ANK3: variants seen among roughly 807,000 people sequenced by gnomAD.
The protein encoded by ANK3 is ankyrin 3.
ANK3 carries 57 observed loss-of-function variants against 370.9 expected under a neutral mutation model. That is an observed-to-expected ratio of 0.15 (90% confidence interval 0.12 to 0.19). The LOEUF is 0.19. ANK3 is among the 10% of genes least tolerant of loss of function. ANK3 has a pLI of 1.00. For missense variants in ANK3, 4,439 were observed against 5,302.1 expected, an observed-to-expected ratio of 0.84 and a Z score of 5.06; for synonymous variants, 1,929 against 1,946.3, an observed-to-expected ratio of 0.99 and a Z score of 0.23.
chr10:60,446,412 T>C (rs1180302470), intron 2 of ANK3, among the ~76,000 whole-genome samples: 1 of 152,184 alleles, frequency 6.6e-6, no homozygotes, highest in Non-Finnish European at 1.5e-5. Context: ...GTGCCTGATA[T>C]TGCTAGTGAG....
chr10:60,120,632 C>G (rs1377092199), intron 25 of ANK3, among the ~76,000 whole-genome samples: 1 of 151,564 alleles, frequency 6.6e-6, no homozygotes, highest in Non-Finnish European at 1.5e-5. Flanking sequence ...AAAAAAAAAT[C>G]TAATAATCCA....
At chr10:60,491,322 T>G (rs1336286738) in intron 2 of ANK3, among the ~76,000 whole-genome samples, 1 of 152,194 alleles carries the variant, frequency 6.6e-6, no homozygotes, top group African/African-American at 2.4e-5. Flanking sequence ...GTTATTGTCT[T>G]GCATAAATCA....
At chr10:60,191,997 C>T (rs1002271866) in intron 16 of ANK3, among the ~76,000 whole-genome samples, 2 of 152,130 alleles carry the variant, frequency 1.3e-5, no homozygotes, top group African/African-American at 4.8e-5. Context: ...CATCCTCTGC[C>T]TCCCGGGTTT....
At chr10:60,140,374 T>C (rs190645026) in intron 23 of ANK3, 11 of 1,613,840 alleles carry the variant, frequency 6.8e-6, no homozygotes, top group Non-Finnish European at 8.5e-6. Flanking sequence ...CCATTTCCAC[T>C]AGGCTTGGAT....
rs1440691531 is a variant in ANK3, at chr10:60,027,297, TTTTTTTTTTTA to T, written c.*2538_*2548del. The T allele has an allele frequency of 6.7e-6, 1 of 149,196 alleles. No homozygotes were observed. The highest frequency in any genetic ancestry group is 1.5e-5 in the Non-Finnish European group (1 of 67,316). The allele number at this position is 149,196 out of a possible 1,614,324, so 9.2% of individuals were successfully genotyped here. A position where few individuals can be genotyped will look rare whatever the true frequency, so the allele number is the denominator to read the frequency against. On this transcript the variant is annotated 3_prime_UTR_variant, in exon 44 of 44. Coordinates refer to ENST00000280772, the MANE Select transcript of ANK3 (RefSeq NM_020987.5). ...GGCATTTTGGGAAAGTTTTTTTTTT[TTTTTTTTTTTA>T]AAAAAAAAACCTCTCAAGGGTCTAA... is the stretch of plus-strand genomic sequence containing the variant.
intron 43 of ANK3, among the ~76,000 whole-genome samples, chr10:60,037,042 C>T (rs1019723800): frequency 1.3e-5 from 2 of 152,162 alleles, no homozygotes; most frequent in Non-Finnish European, 2.9e-5. Flanking sequence ...TCTCTATCAT[C>T]CAGTTGCTTA....
chr10:60,313,886 T>C (rs1291410425), intron 1 of ANK3, among the ~76,000 whole-genome samples: 1 of 151,790 alleles, frequency 6.6e-6, no homozygotes, highest in Admixed American at 6.6e-5. Flanking sequence ...ACCTCCAGCC[T>C]GCATCACCCA....
chr10:60,044,280 G>A, intron 42 of ANK3: 1 of 984,908 alleles, frequency 1.0e-6, no homozygotes, highest in Non-Finnish European at 1.2e-6. Context: ...TGGTGATGAG[G>A]TTGCCTTCTT....
chr10:60,394,612 C>T (rs1431692022), upstream of ANK3, among the ~76,000 whole-genome samples: 1 of 152,122 alleles, frequency 6.6e-6, no homozygotes, highest in African/African-American at 2.4e-5. Context: ...TCCATCACAC[C>T]CACACTGGCC....
chr10:60,599,653 T>C (rs142280540), intron 2 of ANK3, among the ~76,000 whole-genome samples: 1 of 152,326 alleles, frequency 6.6e-6, no homozygotes, highest in Non-Finnish European at 1.5e-5. Flanking sequence ...ACAAGGACTC[T>C]CACAATGATA....
At chr10:60,416,959 A>G (rs902196356) in intron 2 of ANK3, among the ~76,000 whole-genome samples, 1 of 152,210 alleles carries the variant, frequency 6.6e-6, no homozygotes, top group African/African-American at 2.4e-5. Flanking sequence ...AGAAAATTGT[A>G]CCAAGAATAA....
intron 42 of ANK3, among the ~76,000 whole-genome samples, chr10:60,050,901 C>T (rs2077839689): frequency 6.6e-6 from 1 of 151,292 alleles, no homozygotes; most frequent in Non-Finnish European, 1.5e-5. Flanking sequence ...TAAACAAACA[C>T]CTATTTCAGA....
At chr10:60,399,071 G>C (rs941831265) in intron 2 of ANK3, among the ~76,000 whole-genome samples, 53 of 152,176 alleles carry the variant, frequency 3.5e-4, no homozygotes, top group Admixed American at 3.4e-3. Context: ...TATCGCCTAT[G>C]TATGTAATAC....
At chr10:60,684,810 T>C (rs966361095) in intron 1 of ANK3, 106 of 1,537,022 alleles carry the variant, frequency 6.9e-5, no homozygotes, top group South Asian at 3.4e-4. Flanking sequence ...TTATGGACTC[T>C]GTTGATATCG....
At chr10:60,315,002 T>C (rs747740665) in intron 1 of ANK3, among the ~76,000 whole-genome samples, 13 of 152,336 alleles carry the variant, frequency 8.5e-5, no homozygotes, top group Middle Eastern at 3.4e-3. Flanking sequence ...TATAGAAATG[T>C]AGACGAATGA....
chr10:60,059,974 G>A, intron 40 of ANK3: 1 of 1,603,096 alleles, frequency 6.2e-7, no homozygotes, highest in Admixed American at 1.7e-5. Flanking sequence ...AACCCTGTGG[G>A]GGTTTCCAGT....
intron 23 of ANK3, among the ~76,000 whole-genome samples, chr10:60,162,178 C>T (rs1451837829): frequency 1.3e-5 from 2 of 152,070 alleles, no homozygotes; most frequent in Non-Finnish European, 1.5e-5. Context: ...ATATAAGAAA[C>T]ATTTCAAGTT....
At chr10:60,114,106 C>A (rs1039866799) in intron 26 of ANK3, 119 bp downstream of exon 26, 2 of 443,514 alleles carry the variant, frequency 4.5e-6, no homozygotes, top group African/African-American at 2.0e-5. Context: ...AATGAATATA[C>A]ATTTCATACA....
intron 12 of ANK3, among the ~76,000 whole-genome samples, chr10:60,201,618 G>A (rs1196770428): frequency 6.6e-6 from 1 of 151,950 alleles, no homozygotes; most frequent in African/African-American, 2.4e-5. Context: ...ATACCATCGA[G>A]TAATCTATGA....
Sources: gnomAD v4.1 joint callset for allele counts (sites outside exome capture counted in the v4.1 genomes callset) on GRCh38, gnomAD v4.1.1 for gene constraint, MANE v1.5 for transcripts, NCBI Gene and HGNC (gene_info 2026-07-23, HGNC 2026-07-21) for gene names.